The following RASA3 variants were observed in gnomAD, a reference collection of about 807,000 sequenced individuals.
RASA3 encodes the protein ras GTPase-activating protein 3.
RASA3 carries 73 observed loss-of-function variants against 110.0 expected under a neutral mutation model. The observed-to-expected ratio is 0.66, with a 90% confidence interval of 0.55 to 0.81. RASA3 has a LOEUF of 0.81. Ranked by LOEUF, RASA3 falls within the 30% of genes least tolerant of loss-of-function variation. The pLI is 0.00. For missense variants in RASA3, 976 were observed against 1,113.2 expected (o/e 0.88, Z 1.75); for synonymous variants, 500 against 451.4 (o/e 1.11, Z -1.37).
chr13:114,050,377 A>G (rs956592740), intron 3 of RASA3, among the ~76,000 whole-genome samples: 1 of 152,254 alleles, frequency 6.6e-6, no homozygotes, highest in African/African-American at 2.4e-5. Context: ...CCCGCTCAAA[A>G]TGAAGTCAAA....
chr13:114,120,044 CT>C, intron 1 of RASA3, among the ~76,000 whole-genome samples: 1 of 124,302 alleles, frequency 8.0e-6, no homozygotes, highest in Non-Finnish European at 1.6e-5. Flanking sequence ...GTCAGGGCCC[CT>C]CCCTCTCTCC....
chr13:114,003,562 A>G (rs889309983), intron 18 of RASA3, among the ~76,000 whole-genome samples: 1 of 152,246 alleles, frequency 6.6e-6, no homozygotes, highest in Non-Finnish European at 1.5e-5. Flanking sequence ...TTTAAAGACT[A>G]ACTTCCTTCA....
At chr13:113,992,628 A>G in intron 21 of RASA3, 40 bp from the exon 22 acceptor site, 1 of 1,398,096 alleles carries the variant, frequency 7.2e-7, no homozygotes, top group Non-Finnish European at 1.0e-6. Context: ...AAAAACACTT[A>G]TTTAAACGAT....
Position 114,057,399 on chromosome 13 carries a change from A to G in RASA3, c.174-5244T>C. 1 of 985,354 alleles carries G rather than the reference A, an allele frequency of 1.0e-6. No homozygotes were observed. Among genetic ancestry groups the G allele is most frequent in the Non-Finnish European group, 1.2e-6 (1 of 829,912 alleles). 61.0% of individuals were successfully genotyped at this position (985,354 alleles called of 1,614,324 possible). ...CATTGCAGGGCAGTGGGGTCCGGAGAGGCGGCCGTGCTACAGGCCTTGCAC... is the reference window on the plus strand; with the variant it reads ...CATTGCAGGGCAGTGGGGTCCGGAGGGGCGGCCGTGCTACAGGCCTTGCAC... On this transcript the variant is annotated intron_variant, in intron 2 of 23. Transcript: ENST00000334062. The surrounding 1 kb of genome is among the most constrained non-coding windows in gnomAD (Gnocchi z 5.0).
chr13:114,132,430 C>T lies in RASA3; in HGVS notation c.55+5G>A. ...TCGGACGCGTGGCTGCCGGCGGACA[C>T]TCACCGATCTTGATCTTCACGCTCT... On this transcript the variant is annotated splice_donor_5th_base_variant and intron_variant, in intron 1 of 23. Coordinates refer to ENST00000334062, the MANE Select transcript of RASA3 (RefSeq NM_007368.4). The T allele has an allele frequency of 6.6e-7, 1 of 1,524,404 alleles. No homozygotes were observed. The highest frequency in any genetic ancestry group is 8.7e-7 in the Non-Finnish European group (1 of 1,143,260). 94.4% of individuals were successfully genotyped at this position (1,524,404 alleles called of 1,614,324 possible). A position where few individuals can be genotyped will look rare whatever the true frequency, so the allele number is the denominator to read the frequency against.
At chr13:114,045,052 A>G (rs1450788729) in intron 3 of RASA3, among the ~76,000 whole-genome samples, 1 of 152,184 alleles carries the variant, frequency 6.6e-6, no homozygotes, top group South Asian at 2.1e-4. Flanking sequence ...CTGCCACCTC[A>G]TTCCCGACGT....
At chr13:114,026,225 G>C (rs952433569) in intron 7 of RASA3, among the ~76,000 whole-genome samples, 3 of 152,236 alleles carry the variant, frequency 2.0e-5, no homozygotes, top group Non-Finnish European at 4.4e-5. Flanking sequence ...ACCCCACTGT[G>C]TGTATGACAG....
At chr13:114,020,471 G>A (rs1477928154) in intron 9 of RASA3, among the ~76,000 whole-genome samples, 1 of 152,202 alleles carries the variant, frequency 6.6e-6, no homozygotes, top group Non-Finnish European at 1.5e-5. Flanking sequence ...CGTCTTCGTA[G>A]AATCAAAAGA....
chr13:114,131,378 A>C (rs1324459462), intron 1 of RASA3, among the ~76,000 whole-genome samples: 1 of 152,110 alleles, frequency 6.6e-6, no homozygotes, highest in African/African-American at 2.4e-5. Flanking sequence ...GTGGTCCAGC[A>C]CACTCATGGC....
At chr13:113,984,256 T>C (rs976055165) in intron 22 of RASA3, among the ~76,000 whole-genome samples, 1 of 111,424 alleles carries the variant, frequency 9.0e-6, no homozygotes, top group African/African-American at 3.0e-5. Context: ...TACTCACCCA[T>C]CTGTCCATCC....
At chr13:114,019,293 C>T (rs1168449603) in intron 9 of RASA3, among the ~76,000 whole-genome samples, 1 of 152,244 alleles carries the variant, frequency 6.6e-6, no homozygotes, top group Non-Finnish European at 1.5e-5. Context: ...CCAAAGTGTG[C>T]CGTGGCTCCC....
chr13:114,058,801 G>A (rs1295922428), intron 2 of RASA3, among the ~76,000 whole-genome samples: 1 of 152,238 alleles, frequency 6.6e-6, no homozygotes, highest in African/African-American at 2.4e-5. Flanking sequence ...CTGAGCCCAG[G>A]AGTGCTCTGA....
At chr13:114,037,981 C>T (rs555822401) in intron 4 of RASA3, among the ~76,000 whole-genome samples, 2 of 152,032 alleles carry the variant, frequency 1.3e-5, no homozygotes, top group South Asian at 2.1e-4. Flanking sequence ...CACGGCCTTC[C>T]GTTTTCAGGG....
At chr13:114,068,763 G>T (rs2079501261) in intron 2 of RASA3, among the ~76,000 whole-genome samples, 1 of 152,232 alleles carries the variant, frequency 6.6e-6, no homozygotes, top group East Asian at 1.9e-4. Context: ...GGTATGGATT[G>T]TGAACACAGT....
rs35250168 is a variant in RASA3, at chr13:113,979,413, G to A, written c.2439C>T (p.Pro813=). The change falls in exon 24 of 24, where the codon CCC becomes CCT. Residue 813 remains proline, a synonymous_variant. Coordinates refer to ENST00000334062, the MANE Select transcript of RASA3 (RefSeq NM_007368.4). ...KKTKYGSQEH[P]IGDKSFQNYI... ...AGTTCTGGAAGCTCTTGTCTCCGATGGGGTGCTCCCTGAAAAGGGGGATGG... is the reference window on the plus strand; with the variant it reads ...AGTTCTGGAAGCTCTTGTCTCCGATAGGGTGCTCCCTGAAAAGGGGGATGG... 2,530 of 1,600,452 alleles carry A rather than the reference G, an allele frequency of 1.6e-3. 9 individuals are homozygous for A. In the African/African-American group the frequency reaches 0.017, roughly 11 times the overall value.
At chr13:113,993,428 G>C (rs2053163251) in intron 21 of RASA3, among the ~76,000 whole-genome samples, 1 of 151,450 alleles carries the variant, frequency 6.6e-6, no homozygotes, top group Non-Finnish European at 1.5e-5. Context: ...CACCCACCTC[G>C]ACCTCCCAAA....
chr13:114,081,818 G>A (rs967516580), intron 1 of RASA3, among the ~76,000 whole-genome samples: 1 of 152,148 alleles, frequency 6.6e-6, no homozygotes, highest in Non-Finnish European at 1.5e-5. Context: ...AAGGAGCAGA[G>A]ACACACCGGT....
At chr13:113,984,587 C>T (rs1334596584) in intron 22 of RASA3, among the ~76,000 whole-genome samples, 1 of 42,526 alleles carries the variant, frequency 2.4e-5, no homozygotes, top group African/African-American at 7.4e-5. Flanking sequence ...CCCTTTGGTC[C>T]ATGAACCTAA....
At position 114,009,243 on chromosome 13, in the gene RASA3, G is replaced by A. The variant is rs967517464; in HGVS notation, c.1668+144C>T. Reference sequence around the variant, plus strand: ...GACTTGGGACAAGGCTGTCTGGACAGCGCTGTGAATGCACCGAACGCCTTT... The same window carrying A: ...GACTTGGGACAAGGCTGTCTGGACAACGCTGTGAATGCACCGAACGCCTTT... On this transcript the variant is annotated intron_variant, in intron 17 of 23. Transcript: ENST00000334062. 8.9e-6 allele frequency: 6 copies of A among 672,294 alleles called. No individual in the cohort carries two copies. The African/African-American group carries it at 1.1e-4, about 12-fold the overall frequency. The allele number at this position is 672,294 out of a possible 1,614,324, so 41.6% of individuals were successfully genotyped here.
Sources: allele counts gnomAD v4.1 joint callset (sites outside exome capture counted in the v4.1 genomes callset), GRCh38; gene constraint gnomAD v4.1.1; non-coding constraint Gnocchi (gnomAD v3.1); transcripts MANE v1.5; gene names NCBI Gene and HGNC (gene_info 2026-07-23, HGNC 2026-07-21).